KIF26B: variants seen among roughly 807,000 people sequenced by gnomAD.
The protein encoded by KIF26B is kinesin family member 26B.
KIF26B carries 63 observed loss-of-function variants against 151.2 expected under a neutral mutation model. The ratio of observed to expected loss-of-function variants is 0.42; its 90% CI spans 0.34 to 0.51. The LOEUF (loss-of-function observed/expected upper bound fraction) is 0.51. KIF26B is among the 20% of genes least tolerant of loss of function. The pLI is 0.07. For synonymous variants in KIF26B, 1,357 were observed against 1,262.1 expected (o/e 1.08, Z -1.59); for missense variants, 2,813 against 2,913.6 (o/e 0.97, Z 0.79).
intron 5 of KIF26B, among the ~76,000 whole-genome samples, chr1:245,558,391 C>T (rs745364504): frequency 3.9e-5 from 6 of 152,228 alleles, no homozygotes; most frequent in Non-Finnish European, 8.8e-5. Context: ...CTCTCACCTT[C>T]GGGCCTTTGA....
chr1:245,290,435 G>A (rs912832041), intron 2 of KIF26B, among the ~76,000 whole-genome samples: 1 of 152,208 alleles, frequency 6.6e-6, no homozygotes, highest in Non-Finnish European at 1.5e-5. Flanking sequence ...GTTGCTGGTT[G>A]CCCACTTTTA....
Position 245,684,282 on chromosome 1 carries a change from T to G in KIF26B, c.2308T>G (p.Cys770Gly), listed in dbSNP as rs2044477995. The G allele has an allele frequency of 6.2e-7, 1 of 1,613,918 alleles. No individual in the cohort carries two copies. The highest frequency in any genetic ancestry group is 2.2e-5 in the East Asian group (1 of 44,864). Reference sequence around the variant, plus strand: ...GCGGGAGTCTCTGGGGAACATGAACTGCCGTACCACCATGATCGCGCACAT... The same window carrying G: ...GCGGGAGTCTCTGGGGAACATGAACGGCCGTACCACCATGATCGCGCACAT... Reference protein sequence around the residue: ...LLRESLGNMNCRTTMIAHISA... With the variant: ...LLRESLGNMNGRTTMIAHISA... Residue 770 changes from cysteine (C) to glycine (G), a missense_variant, in exon 11 of 15, where the codon TGC (cysteine) becomes GGC (glycine). By Grantham distance (159) the Cys-to-Gly change is radical. Around this residue, in one of 3 missense-constraint regions of KIF26B, gnomAD observed 2,060 missense variants for 2,088.6 expected, o/e 0.99. Transcript: ENST00000407071.
intron 1 of KIF26B, among the ~76,000 whole-genome samples, chr1:245,155,924 G>A (rs1471764974): frequency 2.6e-5 from 4 of 151,918 alleles, no homozygotes; most frequent in Admixed American, 6.5e-5. Context: ...GGGTCTTCCA[G>A]GATTTTGTTC....
chr1:245,468,873 A>G (rs1659848920), intron 4 of KIF26B, among the ~76,000 whole-genome samples: 2 of 152,160 alleles, frequency 1.3e-5, no homozygotes, highest in African/African-American at 4.8e-5. Flanking sequence ...TTGCATGGGA[A>G]ATACTTCTTA....
chr1:245,335,961 A>G (rs1323917051), intron 2 of KIF26B, among the ~76,000 whole-genome samples: 1 of 136,896 alleles, frequency 7.3e-6, no homozygotes, highest in African/African-American at 3.0e-5. Context: ...CAGGGAAAGG[A>G]GAGTCCCACG....
In KIF26B at chr1:245,367,090, A is replaced by G. The variant is rs767664822; in HGVS notation, c.722A>G (p.Gln241Arg). The G allele has an allele frequency of 1.3e-5, 20 of 1,599,180 alleles. 1 individual carries two copies. The South Asian group carries it at 1.6e-4, about 13-fold the overall frequency. ...VGSRHVGGLQQPRDWAFVPAP... is the reference protein window; with the variant it reads ...VGSRHVGGLQRPRDWAFVPAP... ...TCCCGGCACGTGGGTGGGCTCCAGC[A>G]GCCCAGAGACTGGGCCTTTGTGCCC... Residue 241 changes from glutamine (Q) to arginine (R), a missense_variant, in exon 3 of 15, where the codon CAG becomes CGG. Gln to Arg is a conservative substitution (Grantham distance 43, BLOSUM62 1). Transcript: ENST00000407071. The surrounding 1 kb of genome is among the most constrained non-coding windows in gnomAD (Gnocchi z 4.2).
chr1:245,559,656 C>T (rs1391262530), intron 5 of KIF26B, among the ~76,000 whole-genome samples: 1 of 152,208 alleles, frequency 6.6e-6, no homozygotes, highest in Non-Finnish European at 1.5e-5. Flanking sequence ...TCATGATCCA[C>T]CCACCTTGGC....
At chr1:245,161,598 A>G (rs963872288) in intron 2 of KIF26B, among the ~76,000 whole-genome samples, 6 of 152,346 alleles carry the variant, frequency 3.9e-5, no homozygotes, top group African/African-American at 1.4e-4. Flanking sequence ...TAAATGGCTA[A>G]CAACGATTGT....
At position 245,687,752 on chromosome 1, in the gene KIF26B, C is replaced by T. The variant is rs367651313; in HGVS notation, c.4769C>T (p.Ala1590Val). The T allele has an allele frequency of 1.3e-5, 20 of 1,578,560 alleles. No individual in the cohort carries two copies. In the African/African-American group the frequency reaches 2.6e-4, roughly 20 times the overall value. ...GCTTCCCCCAAGCACTGTGTTCTGG[C>T]TCGGCCCAAAGGGACTCCCCCTCTG... The part of the protein sequence containing the change: ...KVASPKHCVL[A>V]RPKGTPPLPP... The change falls in exon 12 of 15, where the codon GCT (alanine) becomes GTT (valine). Residue 1590 changes from alanine to valine, a missense_variant. Around this residue, in one of 3 missense-constraint regions of KIF26B, gnomAD observed 2,060 missense variants for 2,088.6 expected, o/e 0.99. Coordinates refer to ENST00000407071, the MANE Select transcript of KIF26B (RefSeq NM_018012.4). The surrounding 1 kb of genome is among the most constrained non-coding windows in gnomAD (Gnocchi z 4.9).
rs1486759944 is a variant in KIF26B at position 245,170,973 on chromosome 1, T to A, written c.465+14290T>A. 6.6e-6 allele frequency among the ~76,000 whole-genome samples: 1 copy of A among 152,248 alleles called. No homozygotes were observed. Among genetic ancestry groups the A allele is most frequent in the Non-Finnish European group, 1.5e-5 (1 of 68,046 alleles). Reference sequence around the variant, plus strand: ...ATTTGGTGAGATGGTAACATGTGATTACATCCCAATGGAGTTGGGCATGAG... The same window carrying A: ...ATTTGGTGAGATGGTAACATGTGATAACATCCCAATGGAGTTGGGCATGAG... On this transcript the variant is annotated intron_variant, in intron 2 of 14. Transcript: ENST00000407071. This position sits in a 1 kb window ranked among gnomAD's most constrained non-coding sequence, Gnocchi z 4.4.
At chr1:245,427,894 G>A (rs1173851) in intron 4 of KIF26B, among the ~76,000 whole-genome samples, 124,093 of 151,982 alleles carry the variant, frequency 0.82, 50,761 homozygotes, top group East Asian at 0.9. Context: ...ACTTGTGGTC[G>A]GGGCCAACAT....
chr1:245,487,490 G>T (rs1660307920), intron 4 of KIF26B, among the ~76,000 whole-genome samples: 1 of 152,170 alleles, frequency 6.6e-6, no homozygotes. Flanking sequence ...TGCCTTCAGG[G>T]TCTGCTTTTG....
intron 2 of KIF26B, among the ~76,000 whole-genome samples, chr1:245,252,544 A>G (rs1261544623): frequency 3.9e-5 from 6 of 152,174 alleles, no homozygotes; most frequent in Admixed American, 3.3e-4. Context: ...AATGAGATAT[A>G]TAACAAACTG....
intron 2 of KIF26B, among the ~76,000 whole-genome samples, chr1:245,293,182 T>C (rs1573757296): frequency 6.6e-6 from 1 of 152,124 alleles, no homozygotes. Flanking sequence ...TTGTTTTCGC[T>C]CTGTCTTCTA....
At chr1:245,277,044 C>G (rs1428314400) in intron 2 of KIF26B, among the ~76,000 whole-genome samples, 3 of 152,124 alleles carry the variant, frequency 2.0e-5, no homozygotes, top group Admixed American at 6.5e-5. Context: ...GACTGGAATA[C>G]TATGTTTATA....
chr1:245,188,078 G>A (rs1000427589), intron 2 of KIF26B, among the ~76,000 whole-genome samples: 3 of 151,978 alleles, frequency 2.0e-5, no homozygotes, highest in East Asian at 1.9e-4. Context: ...TCAGGAATTC[G>A]AGACCTGCTT....
intron 2 of KIF26B, among the ~76,000 whole-genome samples, chr1:245,236,126 C>T (rs896082587): frequency 2.0e-5 from 3 of 152,100 alleles, no homozygotes; most frequent in Non-Finnish European, 4.4e-5. Flanking sequence ...GACGGGGTTT[C>T]ACCATGCTGG....
chr1:245,191,907 G>T (rs964944649), intron 2 of KIF26B, among the ~76,000 whole-genome samples: 3 of 152,158 alleles, frequency 2.0e-5, no homozygotes, highest in African/African-American at 7.2e-5. Context: ...CATTTTTGAT[G>T]CAGCTTAACA....
chr1:245,525,925 T>C (rs1182910307), intron 4 of KIF26B, among the ~76,000 whole-genome samples: 1 of 148,550 alleles, frequency 6.7e-6, no homozygotes, highest in African/African-American at 2.6e-5. Context: ...CTCCAGATTC[T>C]GCCAAAAAAA....
Sources: allele counts gnomAD v4.1 joint callset (sites outside exome capture counted in the v4.1 genomes callset), GRCh38; gene constraint gnomAD v4.1.1; regional missense constraint gnomAD v4.1.1; non-coding constraint Gnocchi (gnomAD v3.1); transcripts MANE v1.5; gene names NCBI Gene and HGNC (gene_info 2026-07-23, HGNC 2026-07-21).